Variants in KNL1 observed in about 807,000 individuals in gnomAD.
The protein encoded by KNL1 is kinetochore scaffold 1.
KNL1 carries 66 observed loss-of-function variants against 201.3 expected under a neutral mutation model. The ratio of observed to expected loss-of-function variants is 0.33; its 90% CI spans 0.27 to 0.40. The LOEUF (loss-of-function observed/expected upper bound fraction) is 0.40, where lower values mean the gene tolerates loss of function less well. Among genes scored for constraint, KNL1 ranks in the 10% least tolerant of loss-of-function variants. The probability of loss-of-function intolerance (pLI) is 1.00; values close to 1 mark genes in which losing one functional copy is unlikely to be tolerated. For synonymous variants in KNL1, 895 were observed against 899.2 expected, an observed-to-expected ratio of 1.00 and a Z score of 0.08; for missense variants, 2,815 against 2,690.5, an observed-to-expected ratio of 1.05 and a Z score of -1.02.
intron 5 of KNL1, among the ~76,000 whole-genome samples, chr15:40,609,822 A>G (rs1274340853): frequency 6.6e-6 from 1 of 152,232 alleles, no homozygotes. Context: ...CTGCAGTAAC[A>G]AATGGCTCAG....
intron 1 of KNL1, among the ~76,000 whole-genome samples, chr15:40,599,041 G>A (rs918754399): frequency 1.3e-5 from 2 of 151,894 alleles, no homozygotes; most frequent in Non-Finnish European, 2.9e-5. Context: ...CTGGAGTCAA[G>A]CAGTCCTCCC....
At chr15:40,598,588 C>A (rs1396409579) in intron 1 of KNL1, among the ~76,000 whole-genome samples, 3 of 149,706 alleles carry the variant, frequency 2.0e-5, no homozygotes, top group Admixed American at 6.6e-5. Flanking sequence ...TCCGGCCCCC[C>A]AAAAAAAACA....
At chr15:40,652,704 A>T (rs1295994796) in intron 21 of KNL1, among the ~76,000 whole-genome samples, 1 of 146,936 alleles carries the variant, frequency 6.8e-6, no homozygotes, top group African/African-American at 2.5e-5. Context: ...TGGAGGTTGC[A>T]GTGAGCCAAG....
chr15:40,601,119 G>A (rs1891777788), intron 1 of KNL1, among the ~76,000 whole-genome samples: 2 of 152,206 alleles, frequency 1.3e-5, no homozygotes, highest in South Asian at 4.1e-4. Context: ...AGCATTAGCG[G>A]CCTGAGCTCC....
chr15:40,643,866 A>G (rs950774212), intron 14 of KNL1, among the ~76,000 whole-genome samples: 1 of 152,150 alleles, frequency 6.6e-6, no homozygotes, highest in Non-Finnish European at 1.5e-5. Flanking sequence ...CCCTCTTATT[A>G]TGTAGAAAAA....
intron 21 of KNL1, among the ~76,000 whole-genome samples, 185 bp from the exon 22 acceptor site, chr15:40,654,724 C>G (rs368099050): frequency 5.6e-4 from 85 of 152,000 alleles, no homozygotes; most frequent in African/African-American, 2.0e-3. Flanking sequence ...AAAAAATTAG[C>G]CAGGTGTGGT....
intron 13 of KNL1, among the ~76,000 whole-genome samples, chr15:40,633,706 A>G (rs995747212): frequency 6.6e-6 from 1 of 151,964 alleles, no homozygotes; most frequent in Non-Finnish European, 1.5e-5. Context: ...ACACCTGGCT[A>G]ATTTTTAAAT....
At chr15:40,652,179 T>G in intron 21 of KNL1, 74 bp downstream of exon 21, 4 of 957,748 alleles carry the variant, frequency 4.2e-6, no homozygotes, top group Non-Finnish European at 6.6e-6. Context: ...CAAATCTTTA[T>G]TTTACTATAC....
chr15:40,638,257 AG>A (rs1595936870), intron 13 of KNL1, among the ~76,000 whole-genome samples: 2 of 11,108 alleles, frequency 1.8e-4, no homozygotes, highest in South Asian at 3.8e-3. Context: ...GGGAGGGGGG[AG>A]GGGGAGGGGG....
intron 14 of KNL1, chr15:40,643,027 C>G (rs994858312): frequency 1.3e-5 from 2 of 152,150 alleles, no homozygotes; most frequent in East Asian, 1.9e-4. Context: ...CTGCATATAT[C>G]CTCTACAAGA....
chr15:40,658,554 T>A (rs993910792), intron 24 of KNL1, among the ~76,000 whole-genome samples: 64 of 37,658 alleles, frequency 1.7e-3, no homozygotes, highest in Non-Finnish European at 2.1e-3. Context: ...AAAGAGAGAA[T>A]CTGTCTCAAA....
At chr15:40,617,642 C>A (rs748368420) in intron 8 of KNL1, among the ~76,000 whole-genome samples, 2 of 152,150 alleles carry the variant, frequency 1.3e-5, no homozygotes, top group African/African-American at 4.8e-5. Flanking sequence ...TCCCATAACA[C>A]CTCTTTTATT....
Position 40,621,612 on chromosome 15 carries a change from A to G in KNL1, c.1348A>G (p.Lys450Glu). 3 of 1,611,320 alleles carry G rather than the reference A, an allele frequency of 1.9e-6. No homozygotes were observed. Among genetic ancestry groups the G allele is most frequent in the Non-Finnish European group, 2.5e-6 (3 of 1,178,722 alleles). ...ATGTCTCTCAAATATGAGAGAGGAG[A>G]AAAATTTGCTAAAGCATGACAGTAA... is the stretch of plus-strand genomic sequence containing the variant. Reference protein sequence around the residue: ...TKCLSNMREEKNLLKHDSNYA... With the variant: ...TKCLSNMREEENLLKHDSNYA... Residue 450 changes from lysine to glutamate, a missense_variant, in exon 10 of 26, where the codon AAA becomes GAA. By Grantham distance (56) the Lys-to-Glu change is moderately conservative (BLOSUM62 1). Coordinates refer to ENST00000399668, the MANE Select transcript of KNL1 (RefSeq NM_144508.5).
At chr15:40,643,775 G>A (rs1156729103) in intron 14 of KNL1, among the ~76,000 whole-genome samples, 1 of 152,246 alleles carries the variant, frequency 6.6e-6, no homozygotes, top group Non-Finnish European at 1.5e-5. Context: ...AATTCTGTTA[G>A]TGATAGAAGT....
intron 15 of KNL1, 137 bp downstream of exon 15, chr15:40,645,224 C>G: frequency 1.8e-6 from 1 of 545,904 alleles, no homozygotes. Flanking sequence ...GTACCAAGGT[C>G]TTATTTAATT....
chr15:40,646,043 TC>T (rs1239400948), intron 16 of KNL1, among the ~76,000 whole-genome samples: 5 of 152,334 alleles, frequency 3.3e-5, no homozygotes, highest in African/African-American at 1.2e-4. Flanking sequence ...GATTCTGGTC[TC>T]CCATTGCTAA....
intron 10 of KNL1, among the ~76,000 whole-genome samples, chr15:40,627,351 A>G (rs2141729893): frequency 6.6e-6 from 1 of 152,196 alleles, no homozygotes; most frequent in East Asian, 1.9e-4. Flanking sequence ...TGTCTCTACT[A>G]AAAATACAAA....
chr15:40,623,241 A>G lies in KNL1; in HGVS notation c.2977A>G (p.Thr993Ala), dbSNP rs770627977. ...AACACCAACAGTGATATGTACTCCT[A>G]CTGAGGAGAGTGTTTTCTTTCCAGG... Reference protein sequence around the residue: ...LGTPTVICTPTEESVFFPGNG... With the variant: ...LGTPTVICTPAEESVFFPGNG... The change falls in exon 10 of 26, where the codon ACT becomes GCT. Residue 993 changes from threonine to alanine, a missense_variant. By Grantham distance (58) the Thr-to-Ala change is moderately conservative (BLOSUM62 0). This residue lies in a region of KNL1 where 2,464 missense variants were observed against 2,291.7 expected (regional missense o/e 1.08). Transcript: ENST00000399668. The G allele has an allele frequency of 6.2e-7, 1 of 1,613,966 alleles. No individual in the cohort carries two copies. Among genetic ancestry groups the G allele is most frequent in the South Asian group, 1.1e-5 (1 of 91,078 alleles).
At chr15:40,607,726 G>A (rs1486249061) in intron 4 of KNL1, among the ~76,000 whole-genome samples, 1 of 152,070 alleles carries the variant, frequency 6.6e-6, no homozygotes, top group Non-Finnish European at 1.5e-5. Flanking sequence ...GACCATTAGG[G>A]AAATGTAAAT....
Sources: gnomAD v4.1 joint callset for allele counts (sites outside exome capture counted in the v4.1 genomes callset) on GRCh38, gnomAD v4.1.1 for gene constraint, gnomAD v4.1.1 regional missense constraint, MANE v1.5 for transcripts, NCBI Gene and HGNC (gene_info 2026-07-23, HGNC 2026-07-21) for gene names.